The following HTR2C variants were observed in gnomAD, a reference collection of about 807,000 sequenced individuals.
HTR2C encodes the protein 5-hydroxytryptamine receptor 2C, also known as 5-hydroxytryptamine (serotonin) receptor 2C, G protein-coupled.
In HTR2C, 5 loss-of-function variants were observed where a neutral mutation model predicts 21.0. The observed-to-expected ratio is 0.24, with a 90% confidence interval of 0.12 to 0.50. The LOEUF (loss-of-function observed/expected upper bound fraction) is 0.50. Among genes scored for constraint, HTR2C ranks in the 20% least tolerant of loss-of-function variants. The pLI, the probability that HTR2C is intolerant of heterozygous loss-of-function variation, is 0.98. For synonymous variants in HTR2C, 150 were observed against 145.3 expected (o/e 1.03, Z -0.23); for missense variants, 271 against 371.2 (o/e 0.73, Z 2.22).
intron 4 of HTR2C, among the ~76,000 whole-genome samples, chrX:114,752,184 GAAAT>G (rs1556428267): frequency 9.0e-6 from 1 of 111,598 alleles, no homozygotes; most frequent in East Asian, 2.8e-4. Context: ...AAGTTAGAAT[GAAAT>G]AAAGCACTTA....
chrX:114,779,641 C>G (rs2070096100), intron 4 of HTR2C, among the ~76,000 whole-genome samples: 1 of 111,856 alleles, frequency 8.9e-6, no homozygotes, highest in South Asian at 3.7e-4. Context: ...TGCCAGTACT[C>G]TGGAAGGCCA....
Position 114,775,217 on chromosome X carries a change from TATGTTC to T in HTR2C, c.349+43615_349+43620del, listed in dbSNP as rs781921436. ...TTGTACTTCTCAGCTTACCGGACCA[TATGTTC>T]ATGTCTTCCTTGCTCAAACGGTGCT... is the stretch of plus-strand genomic sequence containing the variant. On this transcript the variant is annotated intron_variant, in intron 4 of 5. Transcript: ENST00000276198. 43 of 517,397 alleles carry T rather than the reference TATGTTC, an allele frequency of 8.3e-5. No individual in the cohort carries two copies. The South Asian group carries it at 9.1e-4, about 11-fold the overall frequency. 42.6% of individuals were successfully genotyped at this position (517,397 alleles called of 1,213,427 possible).
At chrX:114,774,462 C>T (rs1327518043) in intron 4 of HTR2C, among the ~76,000 whole-genome samples, 1 of 111,191 alleles carries the variant, frequency 9.0e-6, no homozygotes, top group Non-Finnish European at 1.9e-5. Flanking sequence ...ATAGAGAAAC[C>T]CAATTTTATT....
At chrX:114,675,868 C>CTTTTTTTTTTTTTTTTTTTTTTTT (rs1556412476) in intron 2 of HTR2C, among the ~76,000 whole-genome samples, 1 of 94,318 alleles carries the variant, frequency 1.1e-5, no homozygotes, top group African/African-American at 3.8e-5. Flanking sequence ...TTTCTTTTTT[C>CTTTTTTTTTTTTTTTTTTTTTTTT]TTTTTTCTTT....
In HTR2C at chrX:114,907,468, TTTC is replaced by T. The variant is rs782712053; in HGVS notation, c.*59_*61del. ...GTACAAGCTACATATGTAGGAAAAT[TTTC>T]TTCTTTAATTTTTCTGTTGGTCTTA... On this transcript the variant is annotated 3_prime_UTR_variant, in exon 6 of 6. Transcript: ENST00000276198. The T allele has an allele frequency of 3.5e-5, 33 of 946,259 alleles. No homozygotes were observed. In the East Asian group the frequency reaches 8.7e-4, roughly 25 times the overall value. 78.0% of individuals were successfully genotyped at this position (946,259 alleles called of 1,213,427 possible). A position where few individuals can be genotyped will look rare whatever the true frequency, so the allele number is the denominator to read the frequency against.
At chrX:114,707,423 A>T (rs1240340578) in intron 2 of HTR2C, among the ~76,000 whole-genome samples, 1 of 110,995 alleles carries the variant, frequency 9.0e-6, no homozygotes, top group African/African-American at 3.3e-5. Flanking sequence ...ATAAATAAAT[A>T]AAATAAAAAC....
intron 1 of HTR2C, among the ~76,000 whole-genome samples, chrX:114,595,291 C>A (rs1306060442): frequency 2.7e-5 from 3 of 110,800 alleles, no homozygotes; most frequent in Non-Finnish European, 5.7e-5. Flanking sequence ...GATCATAGCT[C>A]ACTGCAACCC....
intron 2 of HTR2C, among the ~76,000 whole-genome samples, chrX:114,614,505 C>T (rs1201641469): frequency 1.8e-5 from 2 of 110,867 alleles, no homozygotes; most frequent in African/African-American, 6.6e-5. Flanking sequence ...GGTGATCCGC[C>T]CACCTCGACC....
intron 5 of HTR2C, among the ~76,000 whole-genome samples, chrX:114,887,151 A>G (rs2071225767): frequency 8.9e-6 from 1 of 112,259 alleles, no homozygotes; most frequent in Non-Finnish European, 1.9e-5. Flanking sequence ...GTCTACAAAG[A>G]TTAATAACAA....
At chrX:114,893,079 C>CT (rs1405520329) in intron 5 of HTR2C, among the ~76,000 whole-genome samples, 4 of 108,083 alleles carry the variant, frequency 3.7e-5, no homozygotes, top group Admixed American at 3.0e-4. Context: ...CACCCAGCTA[C>CT]TTTTTTTGTA....
chrX:114,738,825 C>T, intron 4 of HTR2C, among the ~76,000 whole-genome samples: 1 of 110,456 alleles, frequency 9.1e-6, no homozygotes, highest in East Asian at 2.8e-4. Flanking sequence ...TATATACACA[C>T]ACCATGACCA....
At chrX:114,669,924 C>T (rs782195159) in intron 2 of HTR2C, among the ~76,000 whole-genome samples, 2 of 111,892 alleles carry the variant, frequency 1.8e-5, no homozygotes, top group East Asian at 5.7e-4. Context: ...AATAATTGGC[C>T]TCAGATCACA....
In HTR2C at chrX:114,629,373, T is replaced by G. The variant is rs1285966040; in HGVS notation, c.-80+15492T>G. Among the ~76,000 whole-genome samples the G allele has an allele frequency of 9.8e-5, 11 of 112,102 alleles. No individual in the cohort carries two copies. In the South Asian group the frequency reaches 1.1e-3, roughly 11 times the overall value. On this transcript the variant is annotated intron_variant, in intron 2 of 5. Coordinates refer to ENST00000276198, the MANE Select transcript of HTR2C (RefSeq NM_000868.4). Reference sequence around the variant, plus strand: ...AGCCAAGAAGGGACTAGGATATCACTTGTAGTTCTCATTTTGCTGAGAAGT... The same window carrying G: ...AGCCAAGAAGGGACTAGGATATCACGTGTAGTTCTCATTTTGCTGAGAAGT...
At chrX:114,640,533 G>A (rs7886072) in intron 2 of HTR2C, among the ~76,000 whole-genome samples, 3 of 112,094 alleles carry the variant, frequency 2.7e-5, no homozygotes, top group Non-Finnish European at 3.8e-5. Flanking sequence ...TACACAAAAG[G>A]TGTGTGTTAC....
At chrX:114,693,570 T>C (rs1932173881) in intron 2 of HTR2C, among the ~76,000 whole-genome samples, 1 of 111,657 alleles carries the variant, frequency 9.0e-6, no homozygotes, top group Non-Finnish European at 1.9e-5. Flanking sequence ...TGTGGAGGGT[T>C]GTCCTGTGCA....
At chrX:114,617,580 T>A (rs186538990) in intron 2 of HTR2C, among the ~76,000 whole-genome samples, 1 of 112,731 alleles carries the variant, frequency 8.9e-6, no homozygotes, top group African/African-American at 3.2e-5. Flanking sequence ...AATATTTTAA[T>A]TTCACATCTT....
rs2070215821 is a variant in HTR2C, at chrX:114,789,973, AT to A, written c.350-58027del. 1.8e-5 allele frequency among the ~76,000 whole-genome samples: 2 copies of A among 112,189 alleles called. 1 individual carries two copies. The highest frequency in any genetic ancestry group is 1.9e-4 in the Admixed American group (2 of 10,558). On this transcript the variant is annotated intron_variant, in intron 4 of 5. Transcript: ENST00000276198. ...GTTTTATTTCCTATCAAGTTTTTAT[AT>A]TTATGTGCAGGTACTTAAAGTGTCT...
chrX:114,806,215 CTATATACCATA>C (rs201977548), intron 4 of HTR2C, among the ~76,000 whole-genome samples: 5,597 of 96,833 alleles, frequency 0.058, 411 homozygotes, highest in African/African-American at 0.18. Context: ...TATATACACT[CTATATACCATA>C]TATATACCAT....
intron 5 of HTR2C, among the ~76,000 whole-genome samples, chrX:114,864,586 CTATTTACCTCTACCAGTGAGTTTTG>C (rs1467783151): frequency 2.7e-5 from 3 of 111,419 alleles, no homozygotes; most frequent in Admixed American, 9.6e-5. Context: ...CTGGATTTGA[CTATTTACCTCTACCAGTGAGTTTTG>C]TATTTACCTC....
Sources: allele counts gnomAD v4.1 joint callset (sites outside exome capture counted in the v4.1 genomes callset), GRCh38; gene constraint gnomAD v4.1.1; transcripts MANE v1.5; gene names NCBI Gene and HGNC (gene_info 2026-07-23, HGNC 2026-07-21).